FAF1: variants seen among roughly 807,000 people sequenced by gnomAD.
The protein encoded by FAF1 is Fas associated factor 1.
In FAF1, 25 loss-of-function variants were observed where a neutral mutation model predicts 92.5. That is an observed-to-expected ratio of 0.27 (90% CI 0.20 to 0.38). The LOEUF (loss-of-function observed/expected upper bound fraction) is 0.38, where lower values mean the gene tolerates loss of function less well. Ranked by LOEUF, FAF1 falls within the 10% of genes least tolerant of loss-of-function variation. FAF1 has a pLI of 1.00. For synonymous variants in FAF1, 234 were observed against 273.2 expected (o/e 0.86, Z 1.42); for missense variants, 636 against 793.3 (o/e 0.80, Z 2.38).
chr1:50,905,888 T>G (rs12123602), intron 1 of FAF1, among the ~76,000 whole-genome samples: 13,527 of 152,268 alleles, frequency 0.089, 837 homozygotes, highest in South Asian at 0.27. Flanking sequence ...TTTAATTAGA[T>G]CCCGTTTGTC....
chr1:50,604,957 T>C (rs996544617), intron 8 of FAF1, among the ~76,000 whole-genome samples: 5 of 152,222 alleles, frequency 3.3e-5, no homozygotes, highest in African/African-American at 1.2e-4. Context: ...CTGACTTACT[T>C]TTTTGGTTTC....
chr1:50,837,192 G>A (rs573165040), intron 2 of FAF1, among the ~76,000 whole-genome samples: 51 of 152,106 alleles, frequency 3.4e-4, no homozygotes, highest in African/African-American at 1.1e-3. Context: ...TCCTGACCTC[G>A]TGATCTGCCC....
intron 8 of FAF1, among the ~76,000 whole-genome samples, chr1:50,626,557 T>TAAG (rs1457833522): frequency 6.6e-6 from 1 of 152,108 alleles, no homozygotes; most frequent in African/African-American, 2.4e-5. Context: ...CAATAAAATA[T>TAAG]AAGATAACAC....
At chr1:50,585,263 T>G (rs1651170463) in intron 9 of FAF1, among the ~76,000 whole-genome samples, 1 of 152,214 alleles carries the variant, frequency 6.6e-6, no homozygotes, top group South Asian at 2.1e-4. Context: ...AGGTTTCTCT[T>G]TGTGAAATAT....
At chr1:50,799,357 T>C (rs1457100745) in intron 3 of FAF1, among the ~76,000 whole-genome samples, 5 of 152,156 alleles carry the variant, frequency 3.3e-5, no homozygotes, top group African/African-American at 4.8e-5. Flanking sequence ...AATATGTCAA[T>C]TGCCCAGCAC....
At chr1:50,816,653 G>A (rs1643979748) in intron 2 of FAF1, among the ~76,000 whole-genome samples, 2 of 152,088 alleles carry the variant, frequency 1.3e-5, no homozygotes, top group South Asian at 4.1e-4. Flanking sequence ...TATATTGATA[G>A]CTTCTTTTGC....
intron 7 of FAF1, among the ~76,000 whole-genome samples, chr1:50,659,816 G>A (rs1226335346): frequency 1.3e-5 from 2 of 152,150 alleles, no homozygotes; most frequent in African/African-American, 4.8e-5. Context: ...TAAAGGTATA[G>A]TTTAATTTCT....
intron 8 of FAF1, among the ~76,000 whole-genome samples, chr1:50,626,976 G>T (rs1282771520): frequency 6.6e-6 from 1 of 152,126 alleles, no homozygotes; most frequent in Non-Finnish European, 1.5e-5. Flanking sequence ...TGTGGAACTG[G>T]ATGGATTGTG....
chr1:50,566,480 A>G (rs1211142834), intron 13 of FAF1, among the ~76,000 whole-genome samples: 1 of 152,100 alleles, frequency 6.6e-6, no homozygotes, highest in Non-Finnish European at 1.5e-5. Flanking sequence ...AAATATGAAG[A>G]AGTGTTAATC....
intron 1 of FAF1, among the ~76,000 whole-genome samples, chr1:50,933,369 C>G (rs1187682164): frequency 3.3e-5 from 5 of 152,156 alleles, no homozygotes; most frequent in South Asian, 2.1e-4. Context: ...CCCTCAAGTT[C>G]AAAGTTCCAC....
At chr1:50,957,883 A>G (rs994567438) in intron 1 of FAF1, among the ~76,000 whole-genome samples, 4 of 152,230 alleles carry the variant, frequency 2.6e-5, no homozygotes, top group African/African-American at 7.2e-5. Context: ...TCAGAAGACA[A>G]TTTTGTAACA....
intron 1 of FAF1, among the ~76,000 whole-genome samples, chr1:50,911,009 C>T (rs939933384): frequency 6.6e-6 from 1 of 151,770 alleles, no homozygotes; most frequent in Non-Finnish European, 1.5e-5. Flanking sequence ...CATCTTGGAA[C>T]CTCCTTTCAC....
chr1:50,916,591 T>C (rs1234132267), intron 1 of FAF1, among the ~76,000 whole-genome samples: 3 of 152,192 alleles, frequency 2.0e-5, no homozygotes. Context: ...ATCTTCAAAC[T>C]GTTCACAGCA....
chr1:50,605,999 C>G (rs1652365178), intron 8 of FAF1, among the ~76,000 whole-genome samples: 1 of 152,116 alleles, frequency 6.6e-6, no homozygotes, highest in Non-Finnish European at 1.5e-5. Context: ...TCTCAGTTTC[C>G]TTGTCTGAGA....
chr1:50,595,529 A>T (rs1651757423), intron 9 of FAF1, among the ~76,000 whole-genome samples: 1 of 151,988 alleles, frequency 6.6e-6, no homozygotes, highest in African/African-American at 2.4e-5. Flanking sequence ...CTACACAGTC[A>T]ATAGCAAAAA....
chr1:50,950,921 A>G (rs1245486369), intron 1 of FAF1, among the ~76,000 whole-genome samples: 1 of 152,186 alleles, frequency 6.6e-6, no homozygotes, highest in African/African-American at 2.4e-5. Flanking sequence ...GAACACTCTT[A>G]TATGTACCTG....
Position 50,568,354 on chromosome 1 carries a change from AAAG to A in FAF1, c.1114-1126_1114-1124del, listed in dbSNP as rs150314253. ...AATTTGCTGTGTGGGATTCTGAACA[AAAG>A]AAGGAAACTTACAGAAAAATATAAG... On this transcript the variant is annotated intron_variant, in intron 12 of 18. Coordinates refer to ENST00000396153, the MANE Select transcript of FAF1 (RefSeq NM_007051.3). 2.7e-3 allele frequency among the ~76,000 whole-genome samples: 410 copies of A among 152,286 alleles called. 3 individuals are homozygous for A. Among genetic ancestry groups the A allele is most frequent in the African/African-American group, 9.3e-3 (388 of 41,578 alleles).
intron 6 of FAF1, among the ~76,000 whole-genome samples, chr1:50,711,712 G>T (rs1455931411): frequency 6.6e-6 from 1 of 151,936 alleles, no homozygotes; most frequent in African/African-American, 2.4e-5. Context: ...TGATCTGCCC[G>T]CCTCAGCCTC....
chr1:50,494,387 T>C (rs995497287), intron 15 of FAF1, among the ~76,000 whole-genome samples: 1 of 152,254 alleles, frequency 6.6e-6, no homozygotes, highest in Non-Finnish European at 1.5e-5. Context: ...CTACAAATAC[T>C]GTCCTTGTAG....
Sources: gnomAD v4.1 joint callset for allele counts (sites outside exome capture counted in the v4.1 genomes callset) on GRCh38, gnomAD v4.1.1 for gene constraint, MANE v1.5 for transcripts, NCBI Gene and HGNC (gene_info 2026-07-23, HGNC 2026-07-21) for gene names.